The following KSR2 variants were observed in gnomAD, a reference collection of about 807,000 sequenced individuals.
KSR2 encodes kinase suppressor of ras 2.
KSR2 carries 25 observed loss-of-function variants against 107.8 expected under a neutral mutation model. The ratio of observed to expected loss-of-function variants is 0.23; its 90% CI spans 0.17 to 0.32. The LOEUF (loss-of-function observed/expected upper bound fraction) is 0.32, where lower values mean the gene tolerates loss of function less well. KSR2 is among the 10% of genes least tolerant of loss of function. The pLI is 1.00. For synonymous variants in KSR2, 480 were observed against 507.0 expected (o/e 0.95, Z 0.71); for missense variants, 887 against 1,268.9 (o/e 0.70, Z 4.57).
chr12:117,941,000 G>A (rs754472646), intron 1 of KSR2, among the ~76,000 whole-genome samples: 7 of 151,958 alleles, frequency 4.6e-5, no homozygotes, highest in African/African-American at 1.2e-4. Context: ...CAGGAGAATC[G>A]CTAGAACCCA....
chr12:117,579,266 G>T, intron 6 of KSR2, 64 bp from the exon 7 acceptor site: 2 of 1,131,516 alleles, frequency 1.8e-6, no homozygotes, highest in Non-Finnish European at 2.7e-6. Context: ...TCTCTAGAGG[G>T]ATGAAGTACT....
At chr12:117,774,396 C>G (rs1278866309) in intron 3 of KSR2, among the ~76,000 whole-genome samples, 6 of 152,168 alleles carry the variant, frequency 3.9e-5, no homozygotes. Context: ...GCTTGGCATT[C>G]AGCAGAACCC....
intron 1 of KSR2, among the ~76,000 whole-genome samples, chr12:117,927,486 G>T (rs1177556158): frequency 2.0e-5 from 3 of 152,036 alleles, no homozygotes; most frequent in African/African-American, 7.3e-5. Flanking sequence ...CAGGTCCAGA[G>T]TTCAAGACCA....
At chr12:117,556,642 A>T (rs1056324865) in intron 8 of KSR2, among the ~76,000 whole-genome samples, 4 of 152,058 alleles carry the variant, frequency 2.6e-5, no homozygotes, top group Non-Finnish European at 5.9e-5. Flanking sequence ...CCTTGGGTTC[A>T]TTCTAAATTA....
chr12:117,514,721 T>A (rs1415435028), intron 14 of KSR2, among the ~76,000 whole-genome samples: 3 of 152,060 alleles, frequency 2.0e-5, no homozygotes, highest in East Asian at 3.9e-4. Context: ...GCTAGTTTTT[T>A]AATTTTTGTA....
In KSR2 at chr12:117,461,804, CAT is replaced by C. The variant is rs1870911107; in HGVS notation, c.*5393_*5394del. The C allele has an allele frequency of 6.6e-6, 1 of 152,450 alleles. No individual in the cohort carries two copies. Among genetic ancestry groups the C allele is most frequent in the African/African-American group, 2.4e-5 (1 of 41,420 alleles). The allele number at this position is 152,450 out of a possible 1,614,324, so 9.4% of individuals were successfully genotyped here. A position where few individuals can be genotyped will look rare whatever the true frequency, so the allele number is the denominator to read the frequency against. ...GGCTGGGAGCCAGGGAGAGTGGCCA[CAT>C]GAGTCTGCCTAGGAACTTCCCCACA... On this transcript the variant is annotated 3_prime_UTR_variant, in exon 20 of 20. Coordinates refer to ENST00000339824, the MANE Select transcript of KSR2 (RefSeq NM_173598.6).
At chr12:117,694,847 T>A (rs539854701) in intron 4 of KSR2, among the ~76,000 whole-genome samples, 17 of 72,140 alleles carry the variant, frequency 2.4e-4, no homozygotes, top group Non-Finnish European at 3.1e-4. Context: ...GTATGATTCT[T>A]TTTTTTTTTT....
intron 14 of KSR2, among the ~76,000 whole-genome samples, chr12:117,497,212 G>A (rs775619403): frequency 1.3e-5 from 2 of 152,110 alleles, no homozygotes; most frequent in African/African-American, 4.8e-5. Context: ...ATGATGGTGA[G>A]TGCAGGTGAC....
chr12:117,671,661 C>T (rs560179440), intron 4 of KSR2, among the ~76,000 whole-genome samples: 12 of 152,324 alleles, frequency 7.9e-5, no homozygotes, highest in South Asian at 2.1e-4. Context: ...TCCTTCATCC[C>T]TTAGCTTAGT....
chr12:117,664,974 C>T (rs192443295), intron 5 of KSR2, among the ~76,000 whole-genome samples: 131 of 152,252 alleles, frequency 8.6e-4, no homozygotes, highest in African/African-American at 3.0e-3. Flanking sequence ...AACGAACCTG[C>T]CTGCCCCACA....
intron 5 of KSR2, among the ~76,000 whole-genome samples, chr12:117,642,185 T>G (rs528466992): frequency 6.6e-6 from 1 of 152,314 alleles, no homozygotes; most frequent in Non-Finnish European, 1.5e-5. Flanking sequence ...AACTTCCACT[T>G]TGCAGCTCTT....
chr12:117,875,400 A>G (rs1431412997), intron 1 of KSR2, among the ~76,000 whole-genome samples: 2 of 150,594 alleles, frequency 1.3e-5, no homozygotes, highest in Admixed American at 6.6e-5. Flanking sequence ...GCAGGACACC[A>G]TGGGGGCCTT....
At chr12:117,793,299 CACA>C (rs1215772632) in intron 3 of KSR2, among the ~76,000 whole-genome samples, 11 of 115,822 alleles carry the variant, frequency 9.5e-5, no homozygotes, top group East Asian at 3.2e-4. Context: ...ATACCATACA[CACA>C]ACATGCACAC....
rs560782798 is a variant in KSR2, at chr12:117,815,867, C to T, written c.472+39561G>A. Reference sequence around the variant, plus strand: ...GCATAGGCCTGTAATCCCAGCTACTCGGGAGGCTGAGGCAGGAGAATTGCT... The same window carrying T: ...GCATAGGCCTGTAATCCCAGCTACTTGGGAGGCTGAGGCAGGAGAATTGCT... On this transcript the variant is annotated intron_variant, in intron 3 of 19. Transcript: ENST00000339824. Among the ~76,000 whole-genome samples the T allele has an allele frequency of 1.7e-3, 255 of 151,682 alleles. 1 individual carries two copies. Among genetic ancestry groups the T allele is most frequent in the Non-Finnish European group, 2.8e-3 (193 of 67,926 alleles).
intron 6 of KSR2, among the ~76,000 whole-genome samples, chr12:117,581,777 G>T (rs757749642): frequency 6.6e-6 from 1 of 152,190 alleles, no homozygotes; most frequent in Non-Finnish European, 1.5e-5. Context: ...ACTGAACGCC[G>T]CACCAGAGAA....
chr12:117,608,290 G>C (rs1373226805), intron 5 of KSR2, among the ~76,000 whole-genome samples: 1 of 152,182 alleles, frequency 6.6e-6, no homozygotes, highest in Non-Finnish European at 1.5e-5. Context: ...TGCCCAGAGA[G>C]GTATCAGCCA....
intron 7 of KSR2, among the ~76,000 whole-genome samples, chr12:117,572,525 C>T (rs1217348548): frequency 2.0e-5 from 3 of 151,904 alleles, no homozygotes; most frequent in East Asian, 1.9e-4. Flanking sequence ...CCTCATACCC[C>T]GAGTGGCAGC....
intron 4 of KSR2, among the ~76,000 whole-genome samples, chr12:117,754,692 T>C (rs1565996791): frequency 6.6e-6 from 1 of 151,766 alleles, no homozygotes; most frequent in Non-Finnish European, 1.5e-5. Context: ...TCCCAGCTAC[T>C]TGGGAGGCTG....
chr12:117,783,618 G>A (rs183002538), intron 3 of KSR2, among the ~76,000 whole-genome samples: 2 of 152,214 alleles, frequency 1.3e-5, no homozygotes, highest in East Asian at 1.9e-4. Flanking sequence ...ACAAGTCAAT[G>A]ACAGCAGGTG....
Sources: allele counts gnomAD v4.1 joint callset (sites outside exome capture counted in the v4.1 genomes callset), GRCh38; gene constraint gnomAD v4.1.1; transcripts MANE v1.5; gene names NCBI Gene and HGNC (gene_info 2026-07-23, HGNC 2026-07-21).